The following ZCCHC7 variants were observed in gnomAD, a reference collection of about 807,000 sequenced individuals.
ZCCHC7 encodes the protein zinc finger CCHC domain-containing protein 7.
ZCCHC7 carries 35 observed loss-of-function variants against 52.0 expected under a neutral mutation model. That is an observed-to-expected ratio of 0.67 (90% CI 0.51 to 0.89). ZCCHC7 has a LOEUF of 0.89. ZCCHC7 is among the 40% of genes least tolerant of loss of function. The pLI is 0.00. For missense variants in ZCCHC7, 574 were observed against 649.1 expected (o/e 0.88, Z 1.26); for synonymous variants, 217 against 221.5 (o/e 0.98, Z 0.18).
At chr9:37,201,276 A>G (rs890426713) in intron 2 of ZCCHC7, among the ~76,000 whole-genome samples, 6 of 152,190 alleles carry the variant, frequency 3.9e-5, no homozygotes, top group Admixed American at 3.9e-4. Flanking sequence ...CTTCCTAGCC[A>G]TTCCTTGACT....
chr9:37,120,394 A>AT (rs748822384), upstream of ZCCHC7: 23 of 387,838 alleles, frequency 5.9e-5, no homozygotes, highest in East Asian at 2.2e-4. Flanking sequence ...GGCAAACCTA[A>AT]TAATTATGGG....
intron 2 of ZCCHC7, among the ~76,000 whole-genome samples, chr9:37,131,327 G>A (rs1460298859): frequency 6.9e-6 from 1 of 144,802 alleles, no homozygotes; most frequent in Non-Finnish European, 1.5e-5. Flanking sequence ...GTGATAGAGC[G>A]AGACTCTGTC....
intron 2 of ZCCHC7, among the ~76,000 whole-genome samples, chr9:37,207,040 C>T (rs1257370954): frequency 6.6e-6 from 1 of 151,918 alleles, no homozygotes; most frequent in Non-Finnish European, 1.5e-5. Context: ...AAGGGAGGAT[C>T]GCTTGAACCC....
intron 5 of ZCCHC7, among the ~76,000 whole-genome samples, chr9:37,320,321 G>C (rs1194757754): frequency 6.6e-6 from 1 of 152,114 alleles, no homozygotes; most frequent in East Asian, 1.9e-4. Flanking sequence ...CAGGTGATCC[G>C]CCAACCTTGG....
At chr9:37,142,284 AT>A (rs1236229752) in intron 2 of ZCCHC7, among the ~76,000 whole-genome samples, 2 of 151,632 alleles carry the variant, frequency 1.3e-5, no homozygotes, top group Admixed American at 6.6e-5. Context: ...ATAATTTTAG[AT>A]TTTTTTCCTT....
chr9:37,290,645 G>A (rs1364284101), intron 2 of ZCCHC7, among the ~76,000 whole-genome samples: 2 of 152,074 alleles, frequency 1.3e-5, no homozygotes, highest in African/African-American at 4.8e-5. Flanking sequence ...GAGCGACAGA[G>A]TGAGACTCTG....
At chr9:37,176,914 G>A (rs1822065137) in intron 2 of ZCCHC7, among the ~76,000 whole-genome samples, 1 of 152,158 alleles carries the variant, frequency 6.6e-6, no homozygotes, top group South Asian at 2.1e-4. Flanking sequence ...TAGAGATAAG[G>A]TCTTACACTG....
intron 2 of ZCCHC7, among the ~76,000 whole-genome samples, chr9:37,129,567 G>A (rs1842688595): frequency 6.6e-6 from 1 of 152,114 alleles, no homozygotes; most frequent in Non-Finnish European, 1.5e-5. Context: ...ATAATCTTTA[G>A]AGAGAAGATT....
Position 37,349,457 on chromosome 9 carries a change from G to C in ZCCHC7, c.1083+5G>C, listed in dbSNP as rs772222182. ...CAAAAAGGCCATTATGGACACGTAA[G>C]TTTGAGTGACATTTGGGCATGAAGC... On this transcript the variant is annotated splice_donor_5th_base_variant and intron_variant, in intron 7 of 8. Transcript: ENST00000336755. 1 of 1,613,190 alleles carries C rather than the reference G, an allele frequency of 6.2e-7. No homozygotes were observed. The highest frequency in any genetic ancestry group is 8.5e-7 in the Non-Finnish European group (1 of 1,179,558).
At chr9:37,174,696 G>A (rs907204341) in intron 2 of ZCCHC7, among the ~76,000 whole-genome samples, 3 of 152,264 alleles carry the variant, frequency 2.0e-5, no homozygotes, top group Non-Finnish European at 4.4e-5. Flanking sequence ...AGAAAAGGAG[G>A]GAGAGGGAAT....
intron 2 of ZCCHC7, among the ~76,000 whole-genome samples, chr9:37,276,454 G>A (rs753371718): frequency 6.6e-6 from 1 of 152,048 alleles, no homozygotes; most frequent in South Asian, 2.1e-4. Flanking sequence ...GGCCAGCTTC[G>A]AGCTTCAGTT....
intron 3 of ZCCHC7, among the ~76,000 whole-genome samples, chr9:37,303,701 T>A (rs915212916): frequency 1.8e-4 from 26 of 145,046 alleles, no homozygotes; most frequent in Admixed American, 4.8e-4. Context: ...TTCACTCTTG[T>A]TGCCCAGGCT....
chr9:37,191,307 T>C (rs1823010793), intron 2 of ZCCHC7, among the ~76,000 whole-genome samples: 1 of 152,212 alleles, frequency 6.6e-6, no homozygotes, highest in Admixed American at 6.5e-5. Flanking sequence ...TTTGTTGTAC[T>C]TATTTGAAGT....
intron 2 of ZCCHC7, among the ~76,000 whole-genome samples, chr9:37,252,709 T>C (rs1005795568): frequency 6.6e-6 from 1 of 152,186 alleles, no homozygotes; most frequent in African/African-American, 2.4e-5. Flanking sequence ...TAAGTCACCC[T>C]TACGTCAGTC....
At chr9:37,335,627 G>A (rs985200621) in intron 6 of ZCCHC7, among the ~76,000 whole-genome samples, 3 of 152,106 alleles carry the variant, frequency 2.0e-5, no homozygotes, top group African/African-American at 7.2e-5. Context: ...CTGGACTGAC[G>A]TCCCAAACTC....
chr9:37,290,919 A>G (rs1213841165), intron 2 of ZCCHC7, among the ~76,000 whole-genome samples: 1 of 152,198 alleles, frequency 6.6e-6, no homozygotes, highest in East Asian at 1.9e-4. Flanking sequence ...AGACTAAATT[A>G]TTAATTTTTT....
intron 2 of ZCCHC7, chr9:37,284,119 A>G (rs1828100063): frequency 6.6e-6 from 1 of 152,168 alleles, no homozygotes; most frequent in East Asian, 1.9e-4. Flanking sequence ...GTGGTAGACC[A>G]GCCATGCCAT....
intron 2 of ZCCHC7, among the ~76,000 whole-genome samples, chr9:37,191,977 CA>C (rs1433163748): frequency 6.6e-6 from 1 of 152,162 alleles, no homozygotes; most frequent in Non-Finnish European, 1.5e-5. Context: ...TAGTTAAATG[CA>C]AAAGTGTTAT....
At chr9:37,181,334 C>T (rs990779404) in intron 2 of ZCCHC7, among the ~76,000 whole-genome samples, 6 of 152,112 alleles carry the variant, frequency 3.9e-5, no homozygotes, top group Non-Finnish European at 8.8e-5. Flanking sequence ...CAAATTGTTT[C>T]ATCACTTAGT....
Sources: allele counts gnomAD v4.1 joint callset (sites outside exome capture counted in the v4.1 genomes callset), GRCh38; gene constraint gnomAD v4.1.1; transcripts MANE v1.5; gene names NCBI Gene and HGNC (gene_info 2026-07-23, HGNC 2026-07-21).